Variants in CTNNA3 observed in about 807,000 individuals in gnomAD.
CTNNA3 encodes the protein catenin alpha 3, also known as catenin alpha-3.
Under a neutral mutation model 95.7 loss-of-function variants are expected in CTNNA3, and 76 were observed. That is an observed-to-expected ratio of 0.79 (90% CI 0.66 to 0.96). The LOEUF is 0.96. Ranked by LOEUF, CTNNA3 falls within the 40% of genes least tolerant of loss-of-function variation. The probability of loss-of-function intolerance (pLI) is 0.00; values close to 1 mark genes in which losing one functional copy is unlikely to be tolerated. For missense variants in CTNNA3, 1,191 were observed against 1,089.8 expected (o/e 1.09, Z -1.31); for synonymous variants, 431 against 374.4 (o/e 1.15, Z -1.74).
At chr10:66,939,583 C>T (rs1847890008) in intron 7 of CTNNA3, among the ~76,000 whole-genome samples, 1 of 151,902 alleles carries the variant, frequency 6.6e-6, no homozygotes, top group Non-Finnish European at 1.5e-5. Context: ...TAAAAATGAC[C>T]TCTTCCCTAA....
In CTNNA3 at chr10:67,523,636, C is replaced by T. The variant is rs187362223; in HGVS notation, c.460-1675G>A. Among the ~76,000 whole-genome samples, 47 of 152,172 alleles carry T rather than the reference C, an allele frequency of 3.1e-4. 1 individual carries two copies. The highest frequency in any genetic ancestry group is 1.2e-3 in the Admixed American group (18 of 15,276). Reference sequence around the variant, plus strand: ...GGAGGGACTCAGACCACGTAGAAGACGTAAGACAATTTGAGTTGGGCCCCA... The same window carrying T: ...GGAGGGACTCAGACCACGTAGAAGATGTAAGACAATTTGAGTTGGGCCCCA... On this transcript the variant is annotated intron_variant, in intron 4 of 17. Coordinates refer to ENST00000433211, the MANE Select transcript of CTNNA3 (RefSeq NM_013266.4).
At chr10:67,493,211 GAAA>G (rs201258598) in intron 5 of CTNNA3, among the ~76,000 whole-genome samples, 5,734 of 136,686 alleles carry the variant, frequency 0.042, 123 homozygotes, top group South Asian at 0.11. Flanking sequence ...CAACGTGGGG[GAAA>G]AAAAAAAAAA....
At chr10:67,155,433 TAA>T (rs1861266371) in intron 7 of CTNNA3, among the ~76,000 whole-genome samples, 1 of 152,268 alleles carries the variant, frequency 6.6e-6, no homozygotes, top group Non-Finnish European at 1.5e-5. Context: ...AAAGAAATGT[TAA>T]GTTATCATTA....
chr10:66,163,232 T>C (rs530690925), intron 13 of CTNNA3, among the ~76,000 whole-genome samples: 116 of 152,196 alleles, frequency 7.6e-4, no homozygotes, highest in African/African-American at 2.6e-3. Context: ...AGGAGGCTTC[T>C]CACCCTGTTC....
At chr10:67,392,299 G>T (rs1844531085) in intron 5 of CTNNA3, among the ~76,000 whole-genome samples, 1 of 152,156 alleles carries the variant, frequency 6.6e-6, no homozygotes, top group Non-Finnish European at 1.5e-5. Context: ...ACAGACACGT[G>T]AAAAAATGCT....
intron 10 of CTNNA3, among the ~76,000 whole-genome samples, chr10:66,612,377 T>C (rs1332239829): frequency 6.6e-6 from 1 of 152,124 alleles, no homozygotes; most frequent in African/African-American, 2.4e-5. Context: ...TCAAAACCTG[T>C]AGTACCTGTA....
intron 3 of CTNNA3, among the ~76,000 whole-genome samples, chr10:67,587,192 C>CG (rs1564763666): frequency 6.6e-4 from 54 of 81,654 alleles, no homozygotes; most frequent in African/African-American, 1.1e-3. Flanking sequence ...ACCCAGCTAA[C>CG]TTGTGTGTGT....
intron 5 of CTNNA3, among the ~76,000 whole-genome samples, chr10:67,483,640 G>A (rs1340413176): frequency 6.6e-6 from 1 of 151,854 alleles, no homozygotes; most frequent in Non-Finnish European, 1.5e-5. Context: ...AATAGCATTA[G>A]GAGATATACC....
At chr10:66,986,895 C>G (rs1410343632) in intron 7 of CTNNA3, among the ~76,000 whole-genome samples, 1 of 152,040 alleles carries the variant, frequency 6.6e-6, no homozygotes, top group African/African-American at 2.4e-5. Context: ...CAGAAGTGCA[C>G]CAAATAGCCA....
At chr10:65,938,603 C>T (rs2133168876) in intron 17 of CTNNA3, among the ~76,000 whole-genome samples, 1 of 152,268 alleles carries the variant, frequency 6.6e-6, no homozygotes, top group African/African-American at 2.4e-5. Flanking sequence ...TGGATCCCAG[C>T]CCTGAATTTA....
At chr10:65,970,014 A>T (rs1421020398) in intron 16 of CTNNA3, among the ~76,000 whole-genome samples, 1 of 152,140 alleles carries the variant, frequency 6.6e-6, no homozygotes, top group African/African-American at 2.4e-5. Flanking sequence ...TCTCAAAGGC[A>T]GCTAGAGAAA....
intron 16 of CTNNA3, among the ~76,000 whole-genome samples, chr10:65,987,477 A>G (rs1376002234): frequency 6.6e-6 from 1 of 152,086 alleles, no homozygotes; most frequent in African/African-American, 2.4e-5. Context: ...GCACAATAAG[A>G]TATCATCTTA....
intron 12 of CTNNA3, among the ~76,000 whole-genome samples, chr10:66,316,388 A>C (rs2092099936): frequency 6.6e-6 from 1 of 152,040 alleles, no homozygotes; most frequent in Non-Finnish European, 1.5e-5. Flanking sequence ...CTACTTTATG[A>C]ACTTTTATTT....
At chr10:66,525,653 G>C (rs1415366059) in intron 10 of CTNNA3, among the ~76,000 whole-genome samples, 2 of 152,130 alleles carry the variant, frequency 1.3e-5, no homozygotes, top group Non-Finnish European at 2.9e-5. Flanking sequence ...ATGTGAAAGA[G>C]AGAGAGAAAG....
intron 5 of CTNNA3, among the ~76,000 whole-genome samples, chr10:67,474,730 G>C (rs989058703): frequency 6.6e-6 from 1 of 152,148 alleles, no homozygotes; most frequent in Non-Finnish European, 1.5e-5. Flanking sequence ...CTAAATTCTT[G>C]TAAGAGTAGC....
intron 14 of CTNNA3, among the ~76,000 whole-genome samples, chr10:66,071,704 C>CT (rs2080437581): frequency 6.6e-6 from 1 of 152,086 alleles, no homozygotes; most frequent in South Asian, 2.1e-4. Context: ...GTTTCCAAAT[C>CT]TTTAAATTAT....
chr10:66,033,028 C>A (rs1050595666), intron 15 of CTNNA3, among the ~76,000 whole-genome samples: 1 of 151,926 alleles, frequency 6.6e-6, no homozygotes. Flanking sequence ...TGCTTGGGCT[C>A]GACATGTTCA....
At chr10:67,755,112 G>A (rs1212307854) in intron 1 of CTNNA3, among the ~76,000 whole-genome samples, 2 of 151,802 alleles carry the variant, frequency 1.3e-5, no homozygotes, top group African/African-American at 2.4e-5. Flanking sequence ...AGGATCACTT[G>A]AGCCCAAGAG....
In CTNNA3 at chr10:65,917,892, T is replaced by C. The variant is rs993525558; in HGVS notation, c.*2438A>G. ...TTTTATCAGCAGGTTTGAATCAAACTAAATCTTGAAATGCTGCCTACTACA... is the reference window on the plus strand; with the variant it reads ...TTTTATCAGCAGGTTTGAATCAAACCAAATCTTGAAATGCTGCCTACTACA... On this transcript the variant is annotated 3_prime_UTR_variant, in exon 18 of 18. Transcript: ENST00000433211. 1 of 152,240 alleles carries C rather than the reference T, an allele frequency of 6.6e-6. No homozygotes were observed. The highest frequency in any genetic ancestry group is 2.4e-5 in the African/African-American group (1 of 41,460). The allele number at this position is 152,240 out of a possible 1,614,324, so 9.4% of individuals were successfully genotyped here. A position where few individuals can be genotyped will look rare whatever the true frequency, so the allele number is the denominator to read the frequency against.
Sources: gnomAD v4.1 joint callset for allele counts (sites outside exome capture counted in the v4.1 genomes callset) on GRCh38, gnomAD v4.1.1 for gene constraint, MANE v1.5 for transcripts, NCBI Gene and HGNC (gene_info 2026-07-23, HGNC 2026-07-21) for gene names.